Variants in VSTM4 observed in about 807,000 individuals in gnomAD.
VSTM4 encodes V-set and transmembrane domain containing 4.
A neutral mutation model predicts 36.4 loss-of-function variants in VSTM4; 20 were observed. The observed-to-expected ratio is 0.55, with a 90% CI of 0.39 to 0.80. VSTM4 has a LOEUF of 0.80. Among genes scored for constraint, VSTM4 ranks in the 30% least tolerant of loss-of-function variants. The pLI, the probability that VSTM4 is intolerant of heterozygous loss-of-function variation, is 0.00. For synonymous variants in VSTM4, 182 were observed against 173.9 expected, an observed-to-expected ratio of 1.05 and a Z score of -0.37; for missense variants, 392 against 404.5, an observed-to-expected ratio of 0.97 and a Z score of 0.26.
At chr10:49,033,724 T>C (rs1310502115) in intron 7 of VSTM4, among the ~76,000 whole-genome samples, 2 of 152,198 alleles carry the variant, frequency 1.3e-5, no homozygotes, top group African/African-American at 2.4e-5. Flanking sequence ...TGGGAGACTT[T>C]GTATTAGTAT....
chr10:49,022,280 G>A (rs1408094243), intron 7 of VSTM4, among the ~76,000 whole-genome samples: 1 of 151,948 alleles, frequency 6.6e-6, no homozygotes, highest in Non-Finnish European at 1.5e-5. Flanking sequence ...CTTTGGTTTT[G>A]TTGTTGTTTG....
chr10:49,053,220 C>T (rs1843725715), intron 5 of VSTM4, among the ~76,000 whole-genome samples: 2 of 152,214 alleles, frequency 1.3e-5, no homozygotes, highest in Non-Finnish European at 2.9e-5. Context: ...TGTGGGAGCT[C>T]ATTGTGGAGC....
In VSTM4 at chr10:49,077,302, A is replaced by T. The variant is rs1298454233; in HGVS notation, c.551T>A (p.Val184Glu). Residue 184 changes from valine (V) to glutamate (E), a missense_variant, in exon 4 of 8, where the codon GTG (valine) becomes GAG (glutamate). By Grantham distance (121) the Val-to-Glu change is moderately radical. Transcript: ENST00000332853. ...FEDLYVYAVL[V>E]CCVGILSILL... is the part of the protein sequence containing the mutation. ...AATGCTGAGGATCCCCACGCAGCAC[A>T]CGAGGACAGCATACACATAGAGATC... 6.2e-7 allele frequency: 1 copy of T among 1,614,226 alleles called. No individual in the cohort carries two copies. The highest frequency in any genetic ancestry group is 8.5e-7 in the Non-Finnish European group (1 of 1,180,038).
At chr10:49,037,319 T>C (rs1414482981) in intron 7 of VSTM4, among the ~76,000 whole-genome samples, 1 of 152,198 alleles carries the variant, frequency 6.6e-6, no homozygotes, top group Non-Finnish European at 1.5e-5. Context: ...CTTTACTGTT[T>C]ATCATATTCA....
intron 3 of VSTM4, among the ~76,000 whole-genome samples, chr10:49,082,971 C>G (rs1844307049): frequency 6.6e-6 from 1 of 152,196 alleles, no homozygotes; most frequent in Non-Finnish European, 1.5e-5. Context: ...AACAGCCCCA[C>G]CAAGCCAGGG....
At chr10:49,104,874 G>A (rs1302713041) in intron 2 of VSTM4, among the ~76,000 whole-genome samples, 1 of 145,362 alleles carries the variant, frequency 6.9e-6, no homozygotes, top group Non-Finnish European at 1.5e-5. Context: ...GAGAGAAAGA[G>A]ACAGAGATAC....
At position 49,030,874 on chromosome 10, in the gene VSTM4, A is replaced by G. The variant is rs147922129; in HGVS notation, c.838-11099T>C. 2.0e-3 allele frequency among the ~76,000 whole-genome samples: 306 copies of G among 152,332 alleles called. 3 individuals are homozygous for G. The highest frequency in any genetic ancestry group is 7.2e-3 in the African/African-American group (299 of 41,570). The stretch of plus-strand genomic sequence containing the variant: ...ACAGATGCCTGTCAATGTCACCAAC[A>G]TATGTTTTGGAAGCTAAAATGTGAT... On this transcript the variant is annotated intron_variant, in intron 7 of 7. Transcript: ENST00000332853.
In VSTM4 at chr10:49,115,329, G is replaced by A. The variant is rs546865154; in HGVS notation, c.55+102C>T. The A allele has an allele frequency of 7.2e-4, 568 of 789,268 alleles. 7 individuals carry two copies. In the African/African-American group the frequency reaches 0.01, roughly 14 times the overall value. 48.9% of individuals were successfully genotyped at this position (789,268 alleles called of 1,614,324 possible). The stretch of plus-strand genomic sequence containing the variant: ...ACAGCGCCGCCCCCCGCCCGCGCCC[G>A]GAGGTGGCAGGGCCTCCCCACCAGG... On this transcript the variant is annotated intron_variant, in intron 1 of 7. Coordinates refer to ENST00000332853, the MANE Select transcript of VSTM4 (RefSeq NM_001031746.5).
chr10:49,069,451 C>T (rs1052002547), intron 4 of VSTM4, among the ~76,000 whole-genome samples: 45 of 152,192 alleles, frequency 3.0e-4, no homozygotes, highest in African/African-American at 1.1e-3. Context: ...AGTGAAGGAC[C>T]ACAGTACTCT....
At chr10:49,048,116 C>G (rs1843641925) in intron 6 of VSTM4, among the ~76,000 whole-genome samples, 1 of 152,174 alleles carries the variant, frequency 6.6e-6, no homozygotes, top group Non-Finnish European at 1.5e-5. Flanking sequence ...TTGAATGAAC[C>G]AAGAAGACTT....
At chr10:49,039,991 C>T (rs1399209942) in intron 7 of VSTM4, among the ~76,000 whole-genome samples, 1 of 152,158 alleles carries the variant, frequency 6.6e-6, no homozygotes, top group Non-Finnish European at 1.5e-5. Flanking sequence ...CCAAGGCTTC[C>T]GAAGCTTTGC....
chr10:49,079,581 T>C (rs1024622382), intron 3 of VSTM4, among the ~76,000 whole-genome samples: 8 of 152,220 alleles, frequency 5.3e-5, no homozygotes, highest in Non-Finnish European at 1.0e-4. Context: ...CTATCAGCCA[T>C]GGTCAGTACT....
chr10:49,044,549 AAAGG>A (rs368852454), intron 7 of VSTM4, among the ~76,000 whole-genome samples: 53 of 150,876 alleles, frequency 3.5e-4, no homozygotes, highest in South Asian at 1.5e-3. Context: ...AGAAAGGAAG[AAAGG>A]AAGGAAGGAA....
intron 3 of VSTM4, among the ~76,000 whole-genome samples, chr10:49,079,512 T>C (rs527399014): frequency 6.6e-6 from 1 of 152,350 alleles, no homozygotes; most frequent in African/African-American, 2.4e-5. Context: ...AGGCATTTAT[T>C]TGAACTTAGC....
intron 7 of VSTM4, among the ~76,000 whole-genome samples, chr10:49,033,010 A>G (rs1329088086): frequency 6.6e-6 from 1 of 152,058 alleles, no homozygotes; most frequent in Non-Finnish European, 1.5e-5. Context: ...ACTCTATCAA[A>G]ATTAAAAATG....
At chr10:49,054,054 C>CCTTGGTA (rs1355124607) in intron 5 of VSTM4, among the ~76,000 whole-genome samples, 1 of 152,222 alleles carries the variant, frequency 6.6e-6, no homozygotes, top group Non-Finnish European at 1.5e-5. Flanking sequence ...TATCCGTGAC[C>CCTTGGTA]TCTGGCCCTC....
chr10:49,085,562 T>A (rs1025120318), intron 3 of VSTM4, among the ~76,000 whole-genome samples: 4 of 152,222 alleles, frequency 2.6e-5, no homozygotes, highest in African/African-American at 9.6e-5. Flanking sequence ...ACAAAAATTA[T>A]GTGGACTGGT....
intron 7 of VSTM4, among the ~76,000 whole-genome samples, chr10:49,023,399 C>T (rs1439249350): frequency 6.6e-6 from 1 of 152,246 alleles, no homozygotes; most frequent in Non-Finnish European, 1.5e-5. Flanking sequence ...TGGTTTTCAC[C>T]AAACTACGTT....
chr10:49,085,926 A>C (rs1844362432), intron 3 of VSTM4, 29 bp downstream of exon 3: 2 of 1,416,720 alleles, frequency 1.4e-6, no homozygotes, highest in Non-Finnish European at 1.9e-6. Context: ...ACTATAGAGC[A>C]ATAAAAAAAA....
Sources: allele counts gnomAD v4.1 joint callset (sites outside exome capture counted in the v4.1 genomes callset), GRCh38; gene constraint gnomAD v4.1.1; transcripts MANE v1.5; gene names NCBI Gene and HGNC (gene_info 2026-07-23, HGNC 2026-07-21).